Variants in AMOTL2 observed in about 807,000 individuals in gnomAD.
The protein encoded by AMOTL2 is angiomotin-like protein 2.
A neutral mutation model predicts 78.4 loss-of-function variants in AMOTL2; 33 were observed. The ratio of observed to expected loss-of-function variants is 0.42; its 90% CI spans 0.32 to 0.56. The LOEUF (loss-of-function observed/expected upper bound fraction) is 0.56. Ranked by LOEUF, AMOTL2 falls within the 20% of genes least tolerant of loss-of-function variation. The pLI is 0.12. For synonymous variants in AMOTL2, 422 were observed against 428.8 expected (o/e 0.98, Z 0.20); for missense variants, 983 against 1,030.1 (o/e 0.95, Z 0.63).
rs534623121 is a variant in AMOTL2 at position 134,356,468 on chromosome 3, T to A, written c.*1237A>T. 6.5e-6 allele frequency: 1 copy of A among 152,698 alleles called. No homozygotes were observed. Among genetic ancestry groups the A allele is most frequent in the Admixed American group, 6.5e-5 (1 of 15,306 alleles). The allele number at this position is 152,698 out of a possible 1,614,324, so 9.5% of individuals were successfully genotyped here. On this transcript the variant is annotated 3_prime_UTR_variant, in exon 10 of 10. Transcript: ENST00000249883. ...CTGCCATGTGGGTGTTTCACCCCAA[T>A]TCCAAAGCATCTGGTGCTGCTTTAG...
chr3:134,374,729 C>G (rs1380946599), upstream of AMOTL2: 11 of 987,254 alleles, frequency 1.1e-5, no homozygotes, highest in East Asian at 1.0e-3. Flanking sequence ...CCGCCCCTGC[C>G]CCATGCTTTG....
chr3:134,360,505 A>T (rs1166628181), intron 6 of AMOTL2, 92 bp from the exon 7 acceptor site: 2 of 1,111,668 alleles, frequency 1.8e-6, no homozygotes, highest in East Asian at 2.5e-5. Flanking sequence ...TCACTTGTAC[A>T]TGTACGTGTT....
chr3:134,368,203 T>C (rs550661198), intron 2 of AMOTL2, among the ~76,000 whole-genome samples: 1 of 152,188 alleles, frequency 6.6e-6, no homozygotes, highest in Non-Finnish European at 1.5e-5. Context: ...TGGAAGGTTA[T>C]TTTTGGGGCT....
intron 3 of AMOTL2, 116 bp from the exon 4 acceptor site, chr3:134,366,543 G>A: frequency 9.3e-7 from 1 of 1,080,706 alleles, no homozygotes; most frequent in South Asian, 1.6e-5. Context: ...CCAAACAGGA[G>A]CAAAACCTCC....
chr3:134,367,032 G>A (rs1203028101), intron 3 of AMOTL2, among the ~76,000 whole-genome samples: 1 of 152,206 alleles, frequency 6.6e-6, no homozygotes, highest in Non-Finnish European at 1.5e-5. Context: ...TTGGCTGCTG[G>A]CAGGTTCCGC....
In AMOTL2 at chr3:134,357,295, T is replaced by A. The variant is rs1231254827; in HGVS notation, c.*410A>T. ...GATTAGTGAACCAGTCCACCTGGTG[T>A]CCACGGGCAGCCGTCCGTGGAAATT... On this transcript the variant is annotated 3_prime_UTR_variant, in exon 10 of 10. Coordinates refer to ENST00000249883, the MANE Select transcript of AMOTL2 (RefSeq NM_016201.4). 66 of 211,586 alleles carry A rather than the reference T, an allele frequency of 3.1e-4. No individual in the cohort carries two copies. The Admixed American group carries it at 3.3e-3, about 11-fold the overall frequency. The allele number at this position is 211,586 out of a possible 1,614,324, so 13.1% of individuals were successfully genotyped here. A position where few individuals can be genotyped will look rare whatever the true frequency, so the allele number is the denominator to read the frequency against.
intron 8 of AMOTL2, 57 bp from the exon 9 acceptor site, chr3:134,358,776 G>C: frequency 6.3e-7 from 1 of 1,598,848 alleles, no homozygotes; most frequent in Non-Finnish European, 8.6e-7. Flanking sequence ...CCTGGTGAAG[G>C]ACACTCTAAG....
intron 2 of AMOTL2, among the ~76,000 whole-genome samples, chr3:134,369,441 T>C (rs1338777384): frequency 2.0e-5 from 3 of 152,204 alleles, no homozygotes; most frequent in Admixed American, 2.0e-4. Context: ...GTCTACTTCC[T>C]TGCCGTGATT....
At chr3:134,374,451 T>A (rs2018012177), upstream of AMOTL2, 5 of 985,394 alleles carry the variant, frequency 5.1e-6, no homozygotes, top group Non-Finnish European at 4.8e-6. Flanking sequence ...ACGCTCTGGC[T>A]GTTCGCGCCC....
In AMOTL2 at chr3:134,358,669, G is replaced by A; in HGVS notation, c.2155C>T (p.His719Tyr). The A allele has an allele frequency of 1.2e-6, 2 of 1,614,142 alleles. No homozygotes were observed. The highest frequency in any genetic ancestry group is 1.7e-6 in the Non-Finnish European group (2 of 1,180,024). ...CCATCTCTGCTCCCGTGTTTGGCAT[G>A]GGCAGCAGGGGGAGCTGTGACCACT... ...EPVVTAPPAAHAKHGSRDGST... is the reference protein window; with the variant it reads ...EPVVTAPPAAYAKHGSRDGST... The change falls in exon 9 of 10, where the codon CAT (histidine) becomes TAT (tyrosine). Residue 719 changes from histidine to tyrosine, a missense_variant. By Grantham distance (83) the His-to-Tyr change is moderately conservative. Coordinates refer to ENST00000249883, the MANE Select transcript of AMOTL2 (RefSeq NM_016201.4).
chr3:134,358,221 T>C (rs2017160788), intron 9 of AMOTL2, among the ~76,000 whole-genome samples: 1 of 152,228 alleles, frequency 6.6e-6, no homozygotes, highest in African/African-American at 2.4e-5. Context: ...TTCTCTTGGA[T>C]AATCAAATTG....
chr3:134,358,826 C>CAA (rs2017207369), intron 8 of AMOTL2, 107 bp from the exon 9 acceptor site: 1 of 1,323,358 alleles, frequency 7.6e-7, no homozygotes, highest in East Asian at 2.3e-5. Context: ...GAGTGGGCTG[C>CAA]TCTTGATTTG....
intron 1 of AMOTL2, chr3:134,371,788 A>G (rs1442751213): frequency 7.9e-6 from 3 of 379,014 alleles, no homozygotes; most frequent in Non-Finnish European, 1.4e-5. Context: ...CTCCTGGCAC[A>G]GTGAAAATCC....
chr3:134,360,066 CA>C (rs1418392045), intron 7 of AMOTL2, 39 bp downstream of exon 7: 13 of 1,574,396 alleles, frequency 8.3e-6, no homozygotes, highest in Non-Finnish European at 8.6e-7. Flanking sequence ...CATTGCCACC[CA>C]CCCCCCCAAC....
chr3:134,371,520 GA>G (rs768251487), intron 1 of AMOTL2, 26 bp from the exon 2 acceptor site: 4 of 1,573,024 alleles, frequency 2.5e-6, no homozygotes, highest in Non-Finnish European at 3.4e-6. Flanking sequence ...GAGAGAGAGA[GA>G]GAAAAGCAAT....
Position 134,366,420 on chromosome 3 carries a change from C to A in AMOTL2, c.1049G>T (p.Ser350Ile), listed in dbSNP as rs1372241265. The A allele has an allele frequency of 1.2e-6, 2 of 1,612,204 alleles. No individual in the cohort carries two copies. Among genetic ancestry groups the A allele is most frequent in the Non-Finnish European group, 1.7e-6 (2 of 1,179,722 alleles). ...GGCCTCAGAGAGCCGCTGGATTTCG[C>A]TTTCCAGCTGCAAGAGTCAGACAGC... ...EKAGRIEKLE[S>I]EIQRLSEAHE... is the part of the protein sequence containing the mutation. Residue 350 changes from serine (S) to isoleucine (I), a missense_variant, in exon 4 of 10, where the codon AGC becomes ATC. By Grantham distance (142) the Ser-to-Ile change is moderately radical. Coordinates refer to ENST00000249883, the MANE Select transcript of AMOTL2 (RefSeq NM_016201.4).
chr3:134,369,158 T>C (rs76179440), intron 2 of AMOTL2, among the ~76,000 whole-genome samples: 1,842 of 152,318 alleles, frequency 0.012, 39 homozygotes, highest in African/African-American at 0.041. Context: ...ATTGGGCAGA[T>C]GTATTTCTCC....
rs1274919502 is a variant in AMOTL2 at position 134,371,278 on chromosome 3, C to T, written c.156G>A (p.Gln52=). ...CTGGGGCCAGGATCTCCAGGGAGGC[C>T]TGGGGGCTCCCTGTACCCCCAGTTC... is the stretch of plus-strand genomic sequence containing the variant. The part of the protein sequence containing the change: ...GAGTGGTGSP[Q]ASLEILAPED... The change falls in exon 2 of 10, where the codon CAG becomes CAA. Residue 52 remains glutamine (Q), a synonymous_variant. Coordinates refer to ENST00000249883, the MANE Select transcript of AMOTL2 (RefSeq NM_016201.4). 5 of 1,612,672 alleles carry T rather than the reference C, an allele frequency of 3.1e-6. No homozygotes were observed. Among genetic ancestry groups the T allele is most frequent in the Non-Finnish European group, 3.4e-6 (4 of 1,179,988 alleles).
At position 134,373,805 on chromosome 3, in the gene AMOTL2, C is replaced by T. The variant is rs577417993; in HGVS notation, c.-62+537G>A. On this transcript the variant is annotated intron_variant, in intron 1 of 9. Transcript: ENST00000249883. ...TCCCTCTCGAGCCCTCTTTGTTTTC[C>T]AAATACTCTAACGCTGACGTCACCG... 3.0e-6 allele frequency: 3 copies of T among 985,488 alleles called. No homozygotes were observed. The African/African-American group carries it at 5.2e-5, about 17-fold the overall frequency. The allele number at this position is 985,488 out of a possible 1,614,324, so 61.0% of individuals were successfully genotyped here. A position where few individuals can be genotyped will look rare whatever the true frequency, so the allele number is the denominator to read the frequency against.
Sources: allele counts gnomAD v4.1 joint callset (sites outside exome capture counted in the v4.1 genomes callset), GRCh38; gene constraint gnomAD v4.1.1; transcripts MANE v1.5; gene names NCBI Gene and HGNC (gene_info 2026-07-23, HGNC 2026-07-21).